Variants in CLEC19A observed in about 807,000 individuals in gnomAD.
The protein encoded by CLEC19A is C-type lectin domain containing 19A, also known as C-type lectin domain family 19 member A.
In CLEC19A, 21 loss-of-function variants were observed where a neutral mutation model predicts 26.1. The ratio of observed to expected loss-of-function variants is 0.80; its 90% CI spans 0.57 to 1.16. The LOEUF is 1.16. Among genes scored for constraint, CLEC19A ranks in the 50% most tolerant of loss-of-function variants. The pLI, the probability that CLEC19A is intolerant of heterozygous loss-of-function variation, is 0.00. For synonymous variants in CLEC19A, 89 were observed against 88.6 expected, an observed-to-expected ratio of 1.00 and a Z score of -0.03; for missense variants, 224 against 227.6, an observed-to-expected ratio of 0.98 and a Z score of 0.10.
chr16:19,288,039 G>A (rs6367), intron 1 of CLEC19A, among the ~76,000 whole-genome samples: 43,000 of 151,968 alleles, frequency 0.28, 6,406 homozygotes, highest in East Asian at 0.6. Flanking sequence ...GGGAGAGCTC[G>A]CAGTTTGGAA....
At chr16:19,296,449 C>T (rs1897707000) in intron 1 of CLEC19A, among the ~76,000 whole-genome samples, 2 of 152,228 alleles carry the variant, frequency 1.3e-5, no homozygotes, top group African/African-American at 4.8e-5. Flanking sequence ...CCGTACATTA[C>T]ACAATCCATA....
chr16:19,304,450 C>T (rs1897907666), intron 3 of CLEC19A: 1 of 255,718 alleles, frequency 3.9e-6, no homozygotes, highest in Non-Finnish European at 7.7e-6. Context: ...TGCCTGTAAT[C>T]CCAGCACTTT....
chr16:19,300,375 C>A (rs113405410), intron 2 of CLEC19A, among the ~76,000 whole-genome samples: 1 of 151,434 alleles, frequency 6.6e-6, no homozygotes, highest in Non-Finnish European at 1.5e-5. Flanking sequence ...ACAGCAAGAC[C>A]CCATTGCTAC....
chr16:19,301,936 C>G (rs933269636), intron 2 of CLEC19A, among the ~76,000 whole-genome samples: 1 of 151,638 alleles, frequency 6.6e-6, no homozygotes, highest in African/African-American at 2.4e-5. Flanking sequence ...GTGATCATGC[C>G]TCTAAAGTTC....
At chr16:19,293,514 G>C (rs1949373442) in intron 1 of CLEC19A, among the ~76,000 whole-genome samples, 1 of 151,530 alleles carries the variant, frequency 6.6e-6, no homozygotes, top group South Asian at 2.1e-4. Flanking sequence ...CCAGGCTGGA[G>C]TGCAGTGCTG....
chr16:19,286,154 C>A (rs956920482), intron 1 of CLEC19A, among the ~76,000 whole-genome samples: 6 of 152,184 alleles, frequency 3.9e-5, no homozygotes, highest in Admixed American at 3.9e-4. Flanking sequence ...AGTTTACAAG[C>A]TGTGTGACAT....
At chr16:19,289,839 G>A (rs750157502) in intron 1 of CLEC19A, among the ~76,000 whole-genome samples, 2 of 152,240 alleles carry the variant, frequency 1.3e-5, no homozygotes, top group African/African-American at 2.4e-5. Flanking sequence ...GGTAGAACCC[G>A]TAGGACAGCA....
chr16:19,300,691 T>C (rs2143010235), intron 2 of CLEC19A, among the ~76,000 whole-genome samples: 1 of 152,170 alleles, frequency 6.6e-6, no homozygotes, highest in East Asian at 1.9e-4. Context: ...ACAGTCAGGG[T>C]CCAACCAGGA....
chr16:19,287,957 GA>G (rs1433296152), intron 1 of CLEC19A, among the ~76,000 whole-genome samples: 1 of 152,178 alleles, frequency 6.6e-6, no homozygotes, highest in Non-Finnish European at 1.5e-5. Flanking sequence ...AGGAACTTCT[GA>G]ACATCAGTCC....
chr16:19,288,138 A>T (rs1897510989), intron 1 of CLEC19A, among the ~76,000 whole-genome samples: 2 of 152,214 alleles, frequency 1.3e-5, no homozygotes, highest in African/African-American at 2.4e-5. Context: ...AATTGAGCCA[A>T]CCATGGTCAT....
chr16:19,289,481 C>T (rs1164797753), intron 1 of CLEC19A, among the ~76,000 whole-genome samples: 1 of 152,166 alleles, frequency 6.6e-6, no homozygotes, highest in African/African-American at 2.4e-5. Flanking sequence ...CTAGTCTGTT[C>T]AGGAGTTTCT....
intron 1 of CLEC19A, among the ~76,000 whole-genome samples, chr16:19,289,782 T>C (rs1043273382): frequency 6.6e-6 from 1 of 152,212 alleles, no homozygotes; most frequent in African/African-American, 2.4e-5. Flanking sequence ...AGAGACCTGG[T>C]GCCACCAGTT....
At chr16:19,294,935 G>A (rs191279814) in intron 1 of CLEC19A, among the ~76,000 whole-genome samples, 1 of 152,188 alleles carries the variant, frequency 6.6e-6, no homozygotes, top group East Asian at 1.9e-4. Flanking sequence ...TCTCAGTCCT[G>A]GCACTACTGA....
chr16:19,309,265 G>T lies in CLEC19A; in HGVS notation c.*182G>T. ...ACTTGGCCAAGTGTCAGGAAAGCCA[G>T]CTCAAATTGGCTTAATTTTTTAAAG... On this transcript the variant is annotated 3_prime_UTR_variant, in exon 5 of 5. Transcript: ENST00000636231. 6.0e-6 allele frequency: 3 copies of T among 498,370 alleles called. No individual in the cohort carries two copies. The highest frequency in any genetic ancestry group is 1.1e-5 in the Non-Finnish European group (3 of 283,888). The allele number at this position is 498,370 out of a possible 1,614,324, so 30.9% of individuals were successfully genotyped here.
intron 1 of CLEC19A, among the ~76,000 whole-genome samples, chr16:19,286,848 G>A (rs1214927033): frequency 6.6e-6 from 1 of 152,142 alleles, no homozygotes; most frequent in East Asian, 1.9e-4. Flanking sequence ...GGTTGTGATA[G>A]TGTTAGAGTG....
intron 2 of CLEC19A, among the ~76,000 whole-genome samples, chr16:19,303,579 G>C (rs1296517887): frequency 6.6e-6 from 1 of 152,158 alleles, no homozygotes; most frequent in Non-Finnish European, 1.5e-5. Context: ...TTGAAGCCTA[G>C]AGCTGAGTTT....
At position 19,285,913 on chromosome 16, in the gene CLEC19A, C is replaced by T; in HGVS notation, c.62C>T (p.Pro21Leu). 6.4e-7 allele frequency: 1 copy of T among 1,550,564 alleles called. No homozygotes were observed. The highest frequency in any genetic ancestry group is 8.7e-7 in the Non-Finnish European group (1 of 1,146,998). ...FLTLHSAQAFPQTDISISPAL... is the reference protein window; with the variant it reads ...FLTLHSAQAFLQTDISISPAL... ...ACCCTCCACTCTGCACAGGCCTTTC[C>T]ACAAACAGACATCAGTATCAGTCCA... The change falls in exon 1 of 5, where the codon CCA becomes CTA. Residue 21 changes from proline (P) to leucine (L), a missense_variant. Pro to Leu is a moderately conservative substitution (Grantham distance 98). Coordinates refer to ENST00000636231, the MANE Select transcript of CLEC19A (RefSeq NM_001256720.2).
intron 1 of CLEC19A, among the ~76,000 whole-genome samples, chr16:19,294,789 G>A (rs1897670152): frequency 6.6e-6 from 1 of 152,114 alleles, no homozygotes; most frequent in Non-Finnish European, 1.5e-5. Context: ...TTAGTTGCGG[G>A]GGCTGTGTCT....
At chr16:19,303,795 T>G in intron 2 of CLEC19A, 2 of 353,626 alleles carry the variant, frequency 5.7e-6, no homozygotes, top group Non-Finnish European at 5.3e-6. Context: ...ATCCACCTCA[T>G]TTGCTAGTGT....
Sources: allele counts gnomAD v4.1 joint callset (sites outside exome capture counted in the v4.1 genomes callset), GRCh38; gene constraint gnomAD v4.1.1; transcripts MANE v1.5; gene names NCBI Gene and HGNC (gene_info 2026-07-23, HGNC 2026-07-21).